RBMS3: variants seen among roughly 807,000 people sequenced by gnomAD.
RBMS3 encodes the protein RNA binding motif single stranded interacting protein 3, also known as RNA-binding motif, single-stranded-interacting protein 3.
In RBMS3, 27 loss-of-function variants were observed where a neutral mutation model predicts 66.8. The observed-to-expected ratio is 0.40, with a 90% CI of 0.30 to 0.56. The LOEUF (loss-of-function observed/expected upper bound fraction) is 0.56, where lower values mean the gene tolerates loss of function less well. Among genes scored for constraint, RBMS3 ranks in the 20% least tolerant of loss-of-function variants. The pLI is 0.40. For missense variants in RBMS3, 513 were observed against 549.5 expected (o/e 0.93, Z 0.66); for synonymous variants, 188 against 183.0 (o/e 1.03, Z -0.22).
At chr3:29,813,976 T>C (rs1436416576) in intron 6 of RBMS3, among the ~76,000 whole-genome samples, 1 of 152,086 alleles carries the variant, frequency 6.6e-6, no homozygotes, top group Non-Finnish European at 1.5e-5. Context: ...CTTTATTTCC[T>C]TCTCCTGCCT....
chr3:29,712,803 ACT>A (rs2053231376), intron 4 of RBMS3, among the ~76,000 whole-genome samples: 1 of 151,956 alleles, frequency 6.6e-6, no homozygotes, highest in Non-Finnish European at 1.5e-5. Context: ...CAAACTTCAG[ACT>A]CTGAGACTGA....
intron 12 of RBMS3, among the ~76,000 whole-genome samples, chr3:29,963,895 A>G (rs1183021654): frequency 6.6e-6 from 1 of 151,920 alleles, no homozygotes; most frequent in Admixed American, 6.6e-5. Context: ...GTAAAGAATG[A>G]AGGAGGACAA....
Position 29,588,263 on chromosome 3 carries a change from AT to A in RBMS3, c.399+1061del, listed in dbSNP as rs1382006471. ...CTTTCTGATTGATAATAGTGAACTT[AT>A]TTATCTCTAGATTCTATAAATTTTA... On this transcript the variant is annotated intron_variant, in intron 4 of 14. Transcript: ENST00000383767. Among the ~76,000 whole-genome samples, 13 of 152,140 alleles carry A rather than the reference AT, an allele frequency of 8.5e-5. No homozygotes were observed. In the East Asian group the frequency reaches 2.5e-3, roughly 29 times the overall value.
rs1241065755 is a variant in RBMS3, at chr3:29,957,778, T to C, written c.1098+13524T>C. ...CCAGTGTCACCTTGTAAAAGTACTT[T>C]TATACTCTTTTCATCGCCAAGATAC... is the stretch of plus-strand genomic sequence containing the variant. On this transcript the variant is annotated intron_variant, in intron 12 of 14. Transcript: ENST00000383767. 2.0e-5 allele frequency among the ~76,000 whole-genome samples: 3 copies of C among 152,280 alleles called. No homozygotes were observed. The East Asian group carries it at 5.8e-4, about 29-fold the overall frequency.
chr3:29,321,272 C>T (rs2034993667), intron 1 of RBMS3, among the ~76,000 whole-genome samples: 1 of 152,012 alleles, frequency 6.6e-6, no homozygotes, highest in South Asian at 2.1e-4. Context: ...ATGAAAAAAA[C>T]TAATCATTTT....
At chr3:29,866,572 G>A (rs1398192623) in intron 6 of RBMS3, among the ~76,000 whole-genome samples, 1 of 152,174 alleles carries the variant, frequency 6.6e-6, no homozygotes, top group Non-Finnish European at 1.5e-5. Flanking sequence ...AAAATGGCAA[G>A]AGAGAAAATA....
intron 6 of RBMS3, among the ~76,000 whole-genome samples, chr3:29,783,934 A>G (rs1166630943): frequency 6.6e-6 from 1 of 152,174 alleles, no homozygotes; most frequent in Non-Finnish European, 1.5e-5. Context: ...AAGCAGCAGC[A>G]GTTAAAAAAG....
rs1173795259 is a variant in RBMS3 at position 29,281,673 on chromosome 3, T to A, written c.-9T>A. The A allele has an allele frequency of 6.2e-7, 1 of 1,612,614 alleles. No individual in the cohort carries two copies. Among genetic ancestry groups the A allele is most frequent in the South Asian group, 1.1e-5 (1 of 91,024 alleles). ...AGTTCCCTGCCTCGGAGATAAAGAT[T>A]CCAGCTACATGGGCAAACGCCTGGA... On this transcript the variant is annotated 5_prime_UTR_variant, in exon 1 of 15. Coordinates refer to ENST00000383767, the MANE Select transcript of RBMS3 (RefSeq NM_001003793.3).
In RBMS3 at chr3:29,786,886, T is replaced by C. The variant is rs183625307; in HGVS notation, c.637+23897T>C. Among the ~76,000 whole-genome samples the C allele has an allele frequency of 4.1e-3, 624 of 152,208 alleles. 4 individuals are homozygous for C. The highest frequency in any genetic ancestry group is 6.0e-3 in the Non-Finnish European group (409 of 67,994). On this transcript the variant is annotated intron_variant, in intron 6 of 14. Coordinates refer to ENST00000383767, the MANE Select transcript of RBMS3 (RefSeq NM_001003793.3). Reference sequence around the variant, plus strand: ...AGCTTCTGCACAGGAAAAGAAATAATGAGCAGAGTTAACAGACAACCCACA... The same window carrying C: ...AGCTTCTGCACAGGAAAAGAAATAACGAGCAGAGTTAACAGACAACCCACA...
At chr3:29,633,607 G>C (rs1478548776) in intron 4 of RBMS3, among the ~76,000 whole-genome samples, 1 of 151,688 alleles carries the variant, frequency 6.6e-6, no homozygotes, top group Non-Finnish European at 1.5e-5. Flanking sequence ...CTACTGATGT[G>C]GCTAATGGGC....
At chr3:29,984,210 G>T (rs62235527) in intron 12 of RBMS3, among the ~76,000 whole-genome samples, 21,866 of 151,792 alleles carry the variant, frequency 0.14, 1,852 homozygotes, top group Middle Eastern at 0.22. Context: ...TTTGGCTAAT[G>T]ATACTTGTCT....
At chr3:29,920,629 A>G (rs1307225035) in intron 10 of RBMS3, among the ~76,000 whole-genome samples, 1 of 152,174 alleles carries the variant, frequency 6.6e-6, no homozygotes, top group East Asian at 1.9e-4. Flanking sequence ...TTGACAACTA[A>G]TTTCCTGATT....
intron 4 of RBMS3, among the ~76,000 whole-genome samples, chr3:29,734,094 A>G (rs2054267461): frequency 6.6e-6 from 1 of 152,136 alleles, no homozygotes; most frequent in Non-Finnish European, 1.5e-5. Flanking sequence ...ATGCATGACA[A>G]CATAGATGAG....
At chr3:29,934,849 A>G (rs368896584) in intron 10 of RBMS3, among the ~76,000 whole-genome samples, 1 of 152,046 alleles carries the variant, frequency 6.6e-6, no homozygotes, top group African/African-American at 2.4e-5. Flanking sequence ...TTTTTCACAG[A>G]TATAGTCAGG....
intron 11 of RBMS3, among the ~76,000 whole-genome samples, chr3:29,943,450 T>A (rs2061437985): frequency 6.6e-6 from 1 of 151,844 alleles, no homozygotes; most frequent in Admixed American, 6.6e-5. Flanking sequence ...AAAGCTCTTT[T>A]TTCATCTTTA....
rs372349286 is a variant in RBMS3 at position 29,561,432 on chromosome 3, T to TTTGTTG, written c.308-25651_308-25646dup. ...CACAACCTTGCCAGCATCTGTTGTT[T>TTTGTTG]TTGTTGTTGTTGTTGTTGTTGTTGT... On this transcript the variant is annotated intron_variant, in intron 3 of 14. Transcript: ENST00000383767. Among the ~76,000 whole-genome samples, 555 of 149,042 alleles carry TTTGTTG rather than the reference T, an allele frequency of 3.7e-3. 2 individuals carry two copies. The highest frequency in any genetic ancestry group is 0.036 in the East Asian group (181 of 5,016).
At chr3:29,739,660 A>C in intron 4 of RBMS3, 60 bp from the exon 5 acceptor site, 2 of 1,391,434 alleles carry the variant, frequency 1.4e-6, no homozygotes, top group South Asian at 1.6e-5. Flanking sequence ...AAGTTTCTCT[A>C]TTTGTACAAT....
chr3:29,607,242 C>A (rs74921545), intron 4 of RBMS3, among the ~76,000 whole-genome samples: 80 of 151,874 alleles, frequency 5.3e-4, no homozygotes, highest in African/African-American at 1.9e-3. Context: ...TTTTTGTTGC[C>A]TTAGTCCCAT....
chr3:29,727,210 T>A (rs1468285953), intron 4 of RBMS3, among the ~76,000 whole-genome samples: 1 of 152,134 alleles, frequency 6.6e-6, no homozygotes, highest in Non-Finnish European at 1.5e-5. Context: ...TATACAAAAA[T>A]TAACTCATGA....
Sources: allele counts gnomAD v4.1 joint callset (sites outside exome capture counted in the v4.1 genomes callset), GRCh38; gene constraint gnomAD v4.1.1; transcripts MANE v1.5; gene names NCBI Gene and HGNC (gene_info 2026-07-23, HGNC 2026-07-21).